DNAJC5G: variants seen among roughly 807,000 people sequenced by gnomAD.
DNAJC5G encodes dnaJ homolog subfamily C member 5G.
A neutral mutation model predicts 19.1 loss-of-function variants in DNAJC5G; 13 were observed. The ratio of observed to expected loss-of-function variants is 0.68; its 90% CI spans 0.44 to 1.08. The LOEUF is 1.08. Among genes scored for constraint, DNAJC5G ranks in the 50% least tolerant of loss-of-function variants. The pLI is 0.00. For synonymous variants in DNAJC5G, 81 were observed against 84.4 expected (o/e 0.96, Z 0.22); for missense variants, 245 against 230.4 (o/e 1.06, Z -0.41).
At position 27,275,545 on chromosome 2, in the gene DNAJC5G, G is replaced by A; in HGVS notation, c.-294G>A. On this transcript the variant is annotated 5_prime_UTR_variant, in exon 1 of 7. Coordinates refer to ENST00000296097, the MANE Select transcript of DNAJC5G (RefSeq NM_173650.3). ...GGGCACCCACCTGGCTTAAGAGAAC[G>A]ACTCCCAGGTAAAGGGCCAGACCCA... is the stretch of plus-strand genomic sequence containing the variant. 3.1e-6 allele frequency: 1 copy of A among 322,152 alleles called. No individual in the cohort carries two copies. The highest frequency in any genetic ancestry group is 6.1e-6 in the Non-Finnish European group (1 of 164,228). The allele number at this position is 322,152 out of a possible 1,614,324, so 20.0% of individuals were successfully genotyped here.
In DNAJC5G at chr2:27,280,972, T is replaced by C. The variant is rs1678345914; in HGVS notation, c.*562T>C. 1.3e-5 allele frequency: 2 copies of C among 152,386 alleles called. No individual in the cohort carries two copies. Among genetic ancestry groups the C allele is most frequent in the South Asian group, 4.1e-4 (2 of 4,828 alleles). 9.4% of individuals were successfully genotyped at this position (152,386 alleles called of 1,614,324 possible). ...CCTGTATGGAGTTGGTTTCATCTTC[T>C]GGTGCCCACGGCCATTGGCATTGCC... On this transcript the variant is annotated 3_prime_UTR_variant, in exon 7 of 7. Transcript: ENST00000296097.
chr2:27,276,921 CTCTTTTT>C, intron 3 of DNAJC5G, 80 bp downstream of exon 3: 1 of 763,050 alleles, frequency 1.3e-6, no homozygotes. Context: ...TGCTATCTGA[CTCTTTTT>C]TTTTTTTTTT....
chr2:27,276,913 C>T, intron 3 of DNAJC5G, 72 bp downstream of exon 3: 3 of 1,023,598 alleles, frequency 2.9e-6, no homozygotes, highest in Non-Finnish European at 4.1e-6. Flanking sequence ...ATCTCTTTTG[C>T]TATCTGACTC....
rs1678309661 is a variant in DNAJC5G at position 27,280,217 on chromosome 2, A to G, written c.*2A>G. 1 of 1,613,950 alleles carries G rather than the reference A, an allele frequency of 6.2e-7. No individual in the cohort carries two copies. Among genetic ancestry groups the G allele is most frequent in the African/African-American group, 1.3e-5 (1 of 74,932 alleles). On this transcript the variant is annotated 3_prime_UTR_variant, in exon 6 of 7. Coordinates refer to ENST00000296097, the MANE Select transcript of DNAJC5G (RefSeq NM_173650.3). Reference sequence around the variant, plus strand: ...GAAAATAGCGAAGATGATTTTTAAGAGATGAAGAAGGATGAGGTATGTAAA... The same window carrying G: ...GAAAATAGCGAAGATGATTTTTAAGGGATGAAGAAGGATGAGGTATGTAAA...
rs1677986308 is a variant in DNAJC5G at position 27,275,568 on chromosome 2, C to A, written c.-286+15C>A. The A allele has an allele frequency of 6.5e-6, 2 of 307,952 alleles. No individual in the cohort carries two copies. The highest frequency in any genetic ancestry group is 1.3e-5 in the Non-Finnish European group (2 of 157,404). The allele number at this position is 307,952 out of a possible 1,614,324, so 19.1% of individuals were successfully genotyped here. A position where few individuals can be genotyped will look rare whatever the true frequency, so the allele number is the denominator to read the frequency against. ...ACGACTCCCAGGTAAAGGGCCAGACCCAGGTGAGGAGTCGGCACAGGGCCA... is the reference window on the plus strand; with the variant it reads ...ACGACTCCCAGGTAAAGGGCCAGACACAGGTGAGGAGTCGGCACAGGGCCA... On this transcript the variant is annotated intron_variant, in intron 1 of 6. Transcript: ENST00000296097.
chr2:27,278,630 G>T (rs1009723814), intron 5 of DNAJC5G, among the ~76,000 whole-genome samples: 2 of 144,250 alleles, frequency 1.4e-5, no homozygotes, highest in African/African-American at 5.2e-5. Context: ...GTTGCAGTGA[G>T]CTGAGATCGC....
rs1477079324 is a variant in DNAJC5G at position 27,278,012 on chromosome 2, C to A, written c.372C>A (p.Phe124Leu). Reference protein sequence around the residue: ...RYYFILNSCWFKTLVILCTLL... With the variant: ...RYYFILNSCWLKTLVILCTLL... Reference sequence around the variant, plus strand: ...ATTTTATTCTGAATAGTTGTTGGTTCAAGGTACACAATTCTCCAGGTCCTT... The same window carrying A: ...ATTTTATTCTGAATAGTTGTTGGTTAAAGGTACACAATTCTCCAGGTCCTT... The change falls in exon 4 of 7, where the codon TTC (phenylalanine) becomes TTA (leucine). Residue 124 changes from phenylalanine (F) to leucine (L), a missense_variant. By Grantham distance (22) the Phe-to-Leu change is conservative (BLOSUM62 0). Transcript: ENST00000296097. 1.9e-6 allele frequency: 3 copies of A among 1,613,716 alleles called. No individual in the cohort carries two copies. The highest frequency in any genetic ancestry group is 2.7e-5 in the African/African-American group (2 of 74,868).
At chr2:27,278,156 C>T in intron 4 of DNAJC5G, 32 bp from the exon 5 acceptor site, 1 of 1,614,060 alleles carries the variant, frequency 6.2e-7, no homozygotes, top group African/African-American at 1.3e-5. Flanking sequence ...TAGAAAACTG[C>T]TGGACTGAGG....
intron 5 of DNAJC5G, among the ~76,000 whole-genome samples, chr2:27,278,702 A>G (rs1197355451): frequency 3.4e-5 from 5 of 145,322 alleles, no homozygotes; most frequent in East Asian, 2.0e-4. Context: ...AAAAAAAAAA[A>G]AAAAAAGAAA....
chr2:27,280,147 A>G lies in DNAJC5G; in HGVS notation c.521-19A>G, dbSNP rs770574385. 8.7e-6 allele frequency: 14 copies of G among 1,611,508 alleles called. No homozygotes were observed. Among genetic ancestry groups the G allele is most frequent in the African/African-American group, 1.3e-5 (1 of 74,884 alleles). ...ACTAAACGTTTGTATATGTAAACAT[A>G]TATATAATTCCATCATAGGAGCCAA... On this transcript the variant is annotated intron_variant, in intron 5 of 6. Coordinates refer to ENST00000296097, the MANE Select transcript of DNAJC5G (RefSeq NM_173650.3).
chr2:27,278,704 A>AAAAAG lies in DNAJC5G; in HGVS notation c.520+386_520+390dup, dbSNP rs1558576767. ...ATCTCAAAAAAAAAAAAAAAAAAAAAAAAAGAAAAGAAAAGAAAGAGGCTG... is the reference window on the plus strand; with the variant it reads ...ATCTCAAAAAAAAAAAAAAAAAAAAAAAAAGAAAAGAAAAGAAAAGAAAGAGGCTG... On this transcript the variant is annotated intron_variant, in intron 5 of 6. Transcript: ENST00000296097. Among the ~76,000 whole-genome samples the AAAAAG allele has an allele frequency of 2.5e-4, 37 of 145,336 alleles. 1 individual carries two copies. Among genetic ancestry groups the AAAAAG allele is most frequent in the African/African-American group, 8.0e-4 (31 of 38,784 alleles).
intron 5 of DNAJC5G, among the ~76,000 whole-genome samples, 162 bp from the exon 6 acceptor site, chr2:27,280,004 A>T (rs768992003): frequency 1.3e-5 from 2 of 152,058 alleles, no homozygotes; most frequent in Non-Finnish European, 2.9e-5. Context: ...AAAGTCTGAG[A>T]TCATTCCCCC....
chr2:27,279,275 A>G (rs985322283), intron 5 of DNAJC5G, among the ~76,000 whole-genome samples: 5 of 151,766 alleles, frequency 3.3e-5, no homozygotes, highest in African/African-American at 1.2e-4. Context: ...TGAGGATGCA[A>G]TTTTTGTTGT....
intron 5 of DNAJC5G, among the ~76,000 whole-genome samples, chr2:27,279,041 A>G (rs10197680): frequency 0.049 from 7,375 of 150,772 alleles, 575 homozygotes; most frequent in African/African-American, 0.17. Context: ...GAAATGGTTG[A>G]GGGTGAGAAA....
Position 27,277,984 on chromosome 2 carries a change from A to G in DNAJC5G, c.344A>G (p.Tyr115Cys). The change falls in exon 4 of 7, where the codon TAC becomes TGC. Residue 115 changes from tyrosine to cysteine, a missense_variant. Transcript: ENST00000296097. The part of the protein sequence containing the change: ...YDHFGEEGVR[Y>C]YFILNSCWFK... ...CACTTTGGTGAAGAAGGCGTCAGAT[A>G]CTATTTTATTCTGAATAGTTGTTGG... The G allele has an allele frequency of 1.2e-6, 2 of 1,614,222 alleles. No individual in the cohort carries two copies.
At chr2:27,277,037 G>A (rs1409527226) in intron 3 of DNAJC5G, among the ~76,000 whole-genome samples, 196 bp downstream of exon 3, 1 of 151,520 alleles carries the variant, frequency 6.6e-6, no homozygotes, top group Non-Finnish European at 1.5e-5. Flanking sequence ...TGCCTCCCAG[G>A]TTCAAGCAAT....
chr2:27,276,949 G>C, intron 3 of DNAJC5G, 108 bp downstream of exon 3: 1 of 863,192 alleles, frequency 1.2e-6, no homozygotes, highest in Non-Finnish European at 1.7e-6. Context: ...TTTTTTGAGA[G>C]GAAGTCTCGT....
chr2:27,275,890 G>GCCCCCGC (rs1678030298), intron 1 of DNAJC5G: 1 of 31,226 alleles, frequency 3.2e-5, no homozygotes, highest in African/African-American at 1.1e-4. Context: ...CCCCGCCCCC[G>GCCCCCGC]CCCCCGCCAG....
In DNAJC5G at chr2:27,281,382, C is replaced by T. The variant is rs772080887; in HGVS notation, c.*972C>T. The stretch of plus-strand genomic sequence containing the variant: ...AATTCCTCAAACTTCTCTCCCTGGA[C>T]TAGGAGAAAGGCTAAAGAATGTCAG... On this transcript the variant is annotated 3_prime_UTR_variant, in exon 7 of 7. Coordinates refer to ENST00000296097, the MANE Select transcript of DNAJC5G (RefSeq NM_173650.3). 1.3e-5 allele frequency: 2 copies of T among 152,354 alleles called. No homozygotes were observed. Among genetic ancestry groups the T allele is most frequent in the African/African-American group, 2.4e-5 (1 of 41,446 alleles). The allele number at this position is 152,354 out of a possible 1,614,324, so 9.4% of individuals were successfully genotyped here.
Sources: gnomAD v4.1 joint callset for allele counts (sites outside exome capture counted in the v4.1 genomes callset) on GRCh38, gnomAD v4.1.1 for gene constraint, MANE v1.5 for transcripts, NCBI Gene and HGNC (gene_info 2026-07-23, HGNC 2026-07-21) for gene names.